The following ADGRL3 variants were observed in gnomAD, a reference collection of about 807,000 sequenced individuals.
The protein encoded by ADGRL3 is adhesion G protein-coupled receptor L3.
Under a neutral mutation model 153.5 loss-of-function variants are expected in ADGRL3, and 62 were observed. That is an observed-to-expected ratio of 0.40 (90% CI 0.33 to 0.50). The LOEUF (loss-of-function observed/expected upper bound fraction) is 0.50. ADGRL3 is among the 20% of genes least tolerant of loss of function. ADGRL3 has a pLI of 0.47. For missense variants in ADGRL3, 1,641 were observed against 1,859.4 expected, an observed-to-expected ratio of 0.88 and a Z score of 2.16; for synonymous variants, 710 against 672.5, an observed-to-expected ratio of 1.06 and a Z score of -0.86.
intron 4 of ADGRL3, among the ~76,000 whole-genome samples, chr4:61,517,973 C>A (rs1439665036): frequency 1.3e-5 from 2 of 152,064 alleles, no homozygotes; most frequent in African/African-American, 4.8e-5. Context: ...TCATTTAAAG[C>A]GTAAAACTTG....
intron 1 of ADGRL3, among the ~76,000 whole-genome samples, chr4:61,349,702 G>A (rs2151293017): frequency 6.6e-6 from 1 of 152,166 alleles, no homozygotes; most frequent in Middle Eastern, 3.4e-3. Context: ...ATAAATACTA[G>A]TACCTTTACA....
intron 11 of ADGRL3, chr4:61,906,357 T>G (rs1171841902): frequency 1.3e-5 from 2 of 152,106 alleles, no homozygotes; most frequent in Admixed American, 6.6e-5. Context: ...TTAACATTAG[T>G]GTCAATGTAC....
intron 11 of ADGRL3, among the ~76,000 whole-genome samples, chr4:61,898,411 A>G (rs578029996): frequency 4.6e-5 from 7 of 152,208 alleles, no homozygotes; most frequent in South Asian, 2.1e-4. Context: ...TTAACAGGCA[A>G]AAGAAGAGAA....
At chr4:61,726,493 C>T (rs912849082) in intron 6 of ADGRL3, among the ~76,000 whole-genome samples, 3 of 152,008 alleles carry the variant, frequency 2.0e-5, no homozygotes, top group African/African-American at 7.2e-5. Flanking sequence ...GCCACCACGC[C>T]CAGCCTGGAA....
intron 9 of ADGRL3, among the ~76,000 whole-genome samples, chr4:61,876,733 A>T (rs1054817545): frequency 5.3e-5 from 8 of 151,204 alleles, no homozygotes; most frequent in Admixed American, 1.3e-4. Flanking sequence ...AAAGTATAAT[A>T]AAAAAAATAA....
intron 25 of ADGRL3, among the ~76,000 whole-genome samples, chr4:62,046,127 A>G (rs1730990429): frequency 6.6e-6 from 1 of 151,892 alleles, no homozygotes; most frequent in Non-Finnish European, 1.5e-5. Flanking sequence ...GCATGTTCCA[A>G]GAAAGAGAAC....
chr4:61,985,020 A>G (rs115349381), intron 19 of ADGRL3, among the ~76,000 whole-genome samples: 4,699 of 152,260 alleles, frequency 0.031, 108 homozygotes, highest in Non-Finnish European at 0.046. Flanking sequence ...TATAGTATAT[A>G]TGGGCCAAAT....
intron 1 of ADGRL3, among the ~76,000 whole-genome samples, chr4:61,375,848 T>C (rs1259722891): frequency 1.3e-5 from 2 of 152,162 alleles, no homozygotes; most frequent in African/African-American, 4.8e-5. Flanking sequence ...TGTCACTTAA[T>C]TGCAGGTATA....
chr4:61,599,479 C>A (rs370761038), intron 5 of ADGRL3, among the ~76,000 whole-genome samples: 4 of 152,108 alleles, frequency 2.6e-5, no homozygotes, highest in Admixed American at 6.5e-5. Context: ...ATTACAGGTG[C>A]CTGCCACCAC....
chr4:61,644,576 T>G (rs1343329113), intron 5 of ADGRL3, among the ~76,000 whole-genome samples: 1 of 152,208 alleles, frequency 6.6e-6, no homozygotes, highest in Non-Finnish European at 1.5e-5. Flanking sequence ...CTTGTTCAGT[T>G]TCCATGTAGT....
intron 5 of ADGRL3, among the ~76,000 whole-genome samples, chr4:61,624,869 G>A (rs1192366785): frequency 1.3e-5 from 2 of 151,918 alleles, no homozygotes; most frequent in Admixed American, 1.3e-4. Context: ...TAAATATTTT[G>A]TTATATACAG....
At chr4:61,287,847 T>C (rs905385372) in intron 1 of ADGRL3, among the ~76,000 whole-genome samples, 4 of 151,908 alleles carry the variant, frequency 2.6e-5, no homozygotes, top group African/African-American at 9.7e-5. Flanking sequence ...GGGGTACTGT[T>C]TGGAAAACAT....
intron 13 of ADGRL3, among the ~76,000 whole-genome samples, chr4:61,916,064 A>C (rs1363285460): frequency 6.6e-6 from 1 of 152,124 alleles, no homozygotes; most frequent in Non-Finnish European, 1.5e-5. Flanking sequence ...TCTGACTTTT[A>C]ACCTTTTGTT....
rs1344384566 is a variant in ADGRL3, at chr4:61,338,640, C to T, written c.-239-44484C>T. ...CTGATTTAACTATGTGTTGCTATTT[C>T]CGAATTGGATGTCCAGGAGAACAAT... On this transcript the variant is annotated intron_variant, in intron 1 of 26. Transcript: ENST00000683033. Among the ~76,000 whole-genome samples, 5 of 152,092 alleles carry T rather than the reference C, an allele frequency of 3.3e-5. No individual in the cohort carries two copies. The East Asian group carries it at 9.6e-4, about 29-fold the overall frequency.
chr4:61,469,342 G>A (rs1264819233), intron 2 of ADGRL3, among the ~76,000 whole-genome samples: 1 of 152,084 alleles, frequency 6.6e-6, no homozygotes, highest in East Asian at 1.9e-4. Flanking sequence ...AGTATTAAAT[G>A]AATTAACCTT....
At chr4:61,544,802 G>C (rs1363116845) in intron 4 of ADGRL3, among the ~76,000 whole-genome samples, 1 of 152,064 alleles carries the variant, frequency 6.6e-6, no homozygotes, top group Non-Finnish European at 1.5e-5. Context: ...TTGTTGTTTA[G>C]AACAAATTCC....
chr4:61,321,567 A>G (rs1319276166), intron 1 of ADGRL3, among the ~76,000 whole-genome samples: 1 of 151,206 alleles, frequency 6.6e-6, no homozygotes, highest in Non-Finnish European at 1.5e-5. Context: ...TGGAGTGTAC[A>G]TACACAAAGA....
chr4:61,572,321 G>A (rs1041734138), intron 4 of ADGRL3, among the ~76,000 whole-genome samples: 1 of 152,034 alleles, frequency 6.6e-6, no homozygotes, highest in Non-Finnish European at 1.5e-5. Context: ...TTAACTTTTA[G>A]CAAATACTTT....
At chr4:61,465,855 C>T (rs1174962352) in intron 2 of ADGRL3, among the ~76,000 whole-genome samples, 1 of 150,838 alleles carries the variant, frequency 6.6e-6, no homozygotes, top group Non-Finnish European at 1.5e-5. Context: ...GGCGCAGTGT[C>T]TCACGCCTGT....
Sources: allele counts gnomAD v4.1 joint callset (sites outside exome capture counted in the v4.1 genomes callset), GRCh38; gene constraint gnomAD v4.1.1; transcripts MANE v1.5; gene names NCBI Gene and HGNC (gene_info 2026-07-23, HGNC 2026-07-21).